The following OSBPL10 variants were observed in gnomAD, a reference collection of about 807,000 sequenced individuals.
OSBPL10 encodes the protein oxysterol binding protein like 10.
Under a neutral mutation model 81.7 loss-of-function variants are expected in OSBPL10, and 49 were observed. The observed-to-expected ratio is 0.60, with a 90% CI of 0.48 to 0.76. The LOEUF is 0.76. OSBPL10 is among the 30% of genes least tolerant of loss of function. OSBPL10 has a pLI of 0.00. For synonymous variants in OSBPL10, 419 were observed against 383.6 expected (o/e 1.09, Z -1.08); for missense variants, 923 against 987.8 (o/e 0.93, Z 0.88).
intron 10 of OSBPL10, chr3:31,664,526 AAAC>A: frequency 1.9e-6 from 1 of 523,810 alleles, no homozygotes; most frequent in South Asian, 2.3e-5. Context: ...CTACTACTAC[AAAC>A]AACGGTAGCA....
intron 3 of OSBPL10, among the ~76,000 whole-genome samples, chr3:31,854,861 T>A (rs1700869157): frequency 6.6e-6 from 1 of 152,218 alleles, no homozygotes; most frequent in African/African-American, 2.4e-5. Flanking sequence ...CAGTGTGTCT[T>A]TCTAAAAACA....
At chr3:31,934,697 A>AG (rs60566674) in intron 1 of OSBPL10, among the ~76,000 whole-genome samples, 1 of 151,834 alleles carries the variant, frequency 6.6e-6, no homozygotes, top group Non-Finnish European at 1.5e-5. Flanking sequence ...AGAAAAAAAA[A>AG]GGCTGACTAT....
intron 1 of OSBPL10, among the ~76,000 whole-genome samples, chr3:31,957,343 C>T (rs2125456053): frequency 6.6e-6 from 1 of 152,228 alleles, no homozygotes; most frequent in South Asian, 2.1e-4. Flanking sequence ...CTCCCCTGAG[C>T]ACAGTTATGA....
chr3:32,049,052 C>A (rs1699649290), intron 1 of OSBPL10, among the ~76,000 whole-genome samples: 1 of 152,170 alleles, frequency 6.6e-6, no homozygotes, highest in South Asian at 2.1e-4. Flanking sequence ...GGGAAGGACC[C>A]CTCAGTTCCA....
intron 1 of OSBPL10, among the ~76,000 whole-genome samples, chr3:31,918,349 G>A (rs1383263149): frequency 1.4e-5 from 2 of 146,752 alleles, no homozygotes; most frequent in Non-Finnish European, 3.0e-5. Flanking sequence ...TTTTTAAAGA[G>A]ACAGGGTCTC....
rs187873747 is a variant in OSBPL10, at chr3:32,070,115, C to T, written n.185+7281G>A. ...ACATTGGAAGCCCCCTGGACCATCA[C>T]GGACGCCGAGCTTTAGGTAACTCTT... On this transcript the variant is annotated intron_variant and non_coding_transcript_variant, in intron 1 of 3. Transcript: ENST00000479173. Among the ~76,000 whole-genome samples, 10 of 152,318 alleles carry T rather than the reference C, an allele frequency of 6.6e-5. No homozygotes were observed. The East Asian group carries it at 1.5e-3, about 23-fold the overall frequency.
At chr3:31,733,548 G>T in intron 5 of OSBPL10, 137 bp from the exon 6 acceptor site, 1 of 958,950 alleles carries the variant, frequency 1.0e-6, no homozygotes, top group Non-Finnish European at 1.6e-6. Flanking sequence ...TGTTTTGAAT[G>T]AAGTACCAAG....
At chr3:32,026,065 A>AGATGATT (rs1247243325) in intron 2 of OSBPL10, among the ~76,000 whole-genome samples, 2 of 82,170 alleles carry the variant, frequency 2.4e-5, no homozygotes, top group Middle Eastern at 5.6e-3. Flanking sequence ...GATGATAGAT[A>AGATGATT]GATAGATAGA....
chr3:31,692,453 C>G (rs17027999), intron 7 of OSBPL10, among the ~76,000 whole-genome samples: 11,087 of 152,034 alleles, frequency 0.073, 1,001 homozygotes, highest in African/African-American at 0.21. Flanking sequence ...GAGCAACAGG[C>G]ATTAGACACA....
At chr3:31,750,014 C>G (rs1697662807) in intron 4 of OSBPL10, among the ~76,000 whole-genome samples, 1 of 151,670 alleles carries the variant, frequency 6.6e-6, no homozygotes, top group Non-Finnish European at 1.5e-5. Context: ...AACCCCATCT[C>G]TACTAAAAAA....
At chr3:31,766,337 G>GTTT (rs1259127969) in intron 4 of OSBPL10, among the ~76,000 whole-genome samples, 2 of 26,780 alleles carry the variant, frequency 7.5e-5, no homozygotes, top group African/African-American at 1.2e-4. Flanking sequence ...TTGTTTTTTT[G>GTTT]TTTTTTTTTG....
chr3:32,074,156 A>G (rs530578162), intron 1 of OSBPL10, among the ~76,000 whole-genome samples: 23 of 152,166 alleles, frequency 1.5e-4, no homozygotes, highest in African/African-American at 5.3e-4. Context: ...AACCTCCTTT[A>G]ATAGCCCTCA....
At chr3:31,890,749 C>A (rs1050928511) in intron 1 of OSBPL10, among the ~76,000 whole-genome samples, 7 of 152,128 alleles carry the variant, frequency 4.6e-5, no homozygotes, top group African/African-American at 1.7e-4. Context: ...TCCCTCTGAA[C>A]TATTAACTCT....
intron 4 of OSBPL10, among the ~76,000 whole-genome samples, chr3:31,759,292 C>A (rs1400362749): frequency 6.6e-6 from 1 of 152,144 alleles, no homozygotes; most frequent in Non-Finnish European, 1.5e-5. Flanking sequence ...CACACACAGA[C>A]ACAGACCTGA....
intron 2 of OSBPL10, among the ~76,000 whole-genome samples, chr3:31,988,493 C>A (rs1310147197): frequency 6.6e-6 from 1 of 152,174 alleles, no homozygotes; most frequent in African/African-American, 2.4e-5. Context: ...CTTAATTCCT[C>A]CCCTCTTGAG....
intron 1 of OSBPL10, among the ~76,000 whole-genome samples, chr3:32,067,098 AT>A (rs1475667111): frequency 6.6e-6 from 1 of 152,172 alleles, no homozygotes; most frequent in Non-Finnish European, 1.5e-5. Flanking sequence ...AAGCAACCTT[AT>A]AAAAACTGAC....
intron 10 of OSBPL10, 72 bp downstream of exon 10, chr3:31,668,566 CTTCT>C: frequency 1.5e-6 from 2 of 1,360,954 alleles, no homozygotes; most frequent in East Asian, 2.4e-5. Flanking sequence ...GTTTCAAAGT[CTTCT>C]TTCTTCTCTG....
At chr3:31,952,994 G>A (rs1247586052) in intron 1 of OSBPL10, among the ~76,000 whole-genome samples, 2 of 146,250 alleles carry the variant, frequency 1.4e-5, no homozygotes, top group East Asian at 2.0e-4. Flanking sequence ...GTGCAATGGT[G>A]CAATCTCGGC....
chr3:31,801,076 CTT>C (rs936395728), intron 4 of OSBPL10, among the ~76,000 whole-genome samples: 2 of 151,978 alleles, frequency 1.3e-5, no homozygotes, highest in African/African-American at 4.8e-5. Flanking sequence ...GACGGGGAGA[CTT>C]AGGATCCAGC....
Sources: gnomAD v4.1 joint callset for allele counts (sites outside exome capture counted in the v4.1 genomes callset) on GRCh38, gnomAD v4.1.1 for gene constraint, MANE v1.5 for transcripts, NCBI Gene and HGNC (gene_info 2026-07-23, HGNC 2026-07-21) for gene names.